Variants in PDE11A observed in about 807,000 individuals in gnomAD.
The protein encoded by PDE11A is phosphodiesterase 11A, also known as dual 3',5'-cyclic-AMP and -GMP phosphodiesterase 11A.
PDE11A carries 100 observed loss-of-function variants against 100.5 expected under a neutral mutation model. That is an observed-to-expected ratio of 1.00 (90% CI 0.85 to 1.18). PDE11A has a LOEUF of 1.18. Ranked by LOEUF, PDE11A falls within the 50% of genes most tolerant of loss-of-function variation. The pLI, the probability that PDE11A is intolerant of heterozygous loss-of-function variation, is 0.00. For synonymous variants in PDE11A, 381 were observed against 420.8 expected, an observed-to-expected ratio of 0.91 and a Z score of 1.16; for missense variants, 1,141 against 1,152.6, an observed-to-expected ratio of 0.99 and a Z score of 0.15.
intron 2 of PDE11A, among the ~76,000 whole-genome samples, chr2:177,964,301 C>T (rs1168549442): frequency 6.6e-6 from 1 of 152,074 alleles, no homozygotes; most frequent in East Asian, 1.9e-4. Context: ...ATACACATAT[C>T]TATTTCTCCG....
chr2:177,845,777 C>T (rs960880515), intron 5 of PDE11A, among the ~76,000 whole-genome samples: 4 of 152,204 alleles, frequency 2.6e-5, no homozygotes, highest in African/African-American at 9.6e-5. Context: ...GTCTGCAATC[C>T]CGGCACCTCG....
At chr2:177,777,302 C>A (rs1030937651) in intron 9 of PDE11A, among the ~76,000 whole-genome samples, 6 of 152,066 alleles carry the variant, frequency 3.9e-5, no homozygotes, top group Non-Finnish European at 8.8e-5. Flanking sequence ...AGTCACATAA[C>A]CTCATTAACC....
intron 12 of PDE11A, among the ~76,000 whole-genome samples, chr2:177,713,197 T>A (rs540758897): frequency 6.6e-6 from 1 of 151,986 alleles, no homozygotes; most frequent in African/African-American, 2.4e-5. Flanking sequence ...TTAGTAGAGA[T>A]GGGGTTTCAC....
Position 177,894,289 on chromosome 2 carries a change from C to A in PDE11A, c.1302+3769G>T, listed in dbSNP as rs117191751. 9.9e-5 allele frequency among the ~76,000 whole-genome samples: 15 copies of A among 152,234 alleles called. No homozygotes were observed. In the East Asian group the frequency reaches 2.7e-3, roughly 27 times the overall value. ...CTGGGGATGCCACATAAATAGATACCTTTACCCCAAACTTCTCCCACCACC... is the reference window on the plus strand; with the variant it reads ...CTGGGGATGCCACATAAATAGATACATTTACCCCAAACTTCTCCCACCACC... On this transcript the variant is annotated intron_variant, in intron 4 of 19. Transcript: ENST00000286063.
intron 19 of PDE11A, among the ~76,000 whole-genome samples, chr2:177,654,821 T>C (rs2080358070): frequency 6.6e-6 from 1 of 152,210 alleles, no homozygotes; most frequent in Admixed American, 6.5e-5. Context: ...TTCTCCTTTT[T>C]TCCTTCCTCC....
At chr2:177,997,821 G>T (rs540210824) in intron 2 of PDE11A, 2 of 1,315,950 alleles carry the variant, frequency 1.5e-6, no homozygotes, top group African/African-American at 1.4e-5. Context: ...GGAGGGGCAT[G>T]TATTCCAATA....
intron 2 of PDE11A, among the ~76,000 whole-genome samples, chr2:177,971,893 A>G (rs530724812): frequency 1.3e-5 from 2 of 152,224 alleles, no homozygotes; most frequent in Non-Finnish European, 2.9e-5. Flanking sequence ...TATAAAAGAC[A>G]TAATGTGATT....
intron 18 of PDE11A, among the ~76,000 whole-genome samples, chr2:177,665,582 G>T: frequency 6.6e-6 from 1 of 151,844 alleles, no homozygotes; most frequent in African/African-American, 2.4e-5. Flanking sequence ...TGGGCTGGGT[G>T]TGGTGGCTTA....
intron 15 of PDE11A, among the ~76,000 whole-genome samples, chr2:177,689,525 T>C (rs2081011369): frequency 1.3e-5 from 2 of 152,152 alleles, no homozygotes; most frequent in Non-Finnish European, 2.9e-5. Context: ...AATTGTTACA[T>C]GCAGATTCTA....
At position 177,897,961 on chromosome 2, in the gene PDE11A, G is replaced by A. The variant is rs1003426654; in HGVS notation, c.1302+97C>T. The A allele has an allele frequency of 2.8e-5, 29 of 1,051,588 alleles. No homozygotes were observed. The South Asian group carries it at 3.4e-4, about 12-fold the overall frequency. The allele number at this position is 1,051,588 out of a possible 1,614,324, so 65.1% of individuals were successfully genotyped here. ...CCCCATGGTTGAAGAGTCACGAAGA[G>A]TGAATCAAGTCACAATTTCACAAGT... On this transcript the variant is annotated intron_variant, in intron 4 of 19. Transcript: ENST00000286063.
chr2:177,967,806 A>G (rs140173576), intron 2 of PDE11A, among the ~76,000 whole-genome samples: 18 of 152,252 alleles, frequency 1.2e-4, no homozygotes, highest in Non-Finnish European at 2.5e-4. Flanking sequence ...GTTTATCTGC[A>G]TTTATCAGCT....
chr2:177,890,561 T>A (rs1488481966), intron 4 of PDE11A, among the ~76,000 whole-genome samples: 3 of 152,202 alleles, frequency 2.0e-5, no homozygotes, highest in Admixed American at 6.5e-5. Flanking sequence ...GAGTGATGAC[T>A]TGTGGCATGG....
chr2:178,068,100 CTCTTATTT>C (rs1205432926), intron 1 of PDE11A, among the ~76,000 whole-genome samples: 6 of 152,066 alleles, frequency 3.9e-5, no homozygotes, highest in Non-Finnish European at 7.4e-5. Context: ...TACTTGAATG[CTCTTATTT>C]TCAACCTCTT....
At chr2:178,035,470 C>T (rs1034742407) in intron 1 of PDE11A, among the ~76,000 whole-genome samples, 5 of 152,202 alleles carry the variant, frequency 3.3e-5, no homozygotes, top group African/African-American at 1.2e-4. Context: ...AGTATCATTC[C>T]TTCTGAAACT....
At chr2:177,940,618 A>T (rs2085335020) in intron 2 of PDE11A, among the ~76,000 whole-genome samples, 2 of 152,240 alleles carry the variant, frequency 1.3e-5, no homozygotes, top group Non-Finnish European at 2.9e-5. Context: ...GGTAATTTTT[A>T]AAATACAAGC....
chr2:177,935,944 T>C (rs2085267071), intron 2 of PDE11A, among the ~76,000 whole-genome samples: 1 of 152,188 alleles, frequency 6.6e-6, no homozygotes, highest in South Asian at 2.1e-4. Flanking sequence ...CCATGATGTG[T>C]CTGGGAACAT....
chr2:178,002,810 G>A (rs544407005), intron 2 of PDE11A, among the ~76,000 whole-genome samples: 1 of 152,156 alleles, frequency 6.6e-6, no homozygotes, highest in East Asian at 1.9e-4. Flanking sequence ...TTTTAAAAAT[G>A]ATTGAAGCTG....
chr2:177,988,166 G>A (rs1329051503), intron 2 of PDE11A, among the ~76,000 whole-genome samples: 1 of 152,166 alleles, frequency 6.6e-6, no homozygotes, highest in African/African-American at 2.4e-5. Flanking sequence ...ATTATCCTGA[G>A]ACCAGGAGTT....
At chr2:177,682,361 A>G (rs954429151) in intron 15 of PDE11A, among the ~76,000 whole-genome samples, 1 of 152,196 alleles carries the variant, frequency 6.6e-6, no homozygotes, top group Admixed American at 6.5e-5. Context: ...CCTTGGGCCT[A>G]TGTTCTCAGG....
Sources: allele counts gnomAD v4.1 joint callset (sites outside exome capture counted in the v4.1 genomes callset), GRCh38; gene constraint gnomAD v4.1.1; transcripts MANE v1.5; gene names NCBI Gene and HGNC (gene_info 2026-07-23, HGNC 2026-07-21).